Variants in NTRK3 observed in about 807,000 individuals in gnomAD.
The protein encoded by NTRK3 is NT-3 growth factor receptor.
Under a neutral mutation model 91.7 loss-of-function variants are expected in NTRK3, and 24 were observed. The observed-to-expected ratio is 0.26, with a 90% CI of 0.19 to 0.37. The LOEUF is 0.37. NTRK3 is among the 10% of genes least tolerant of loss of function. NTRK3 has a pLI of 1.00. For synonymous variants in NTRK3, 483 were observed against 404.0 expected (o/e 1.20, Z -2.34); for missense variants, 880 against 1,068.9 (o/e 0.82, Z 2.46).
chr15:88,222,157 T>G (rs1217444963), intron 3 of NTRK3, among the ~76,000 whole-genome samples: 3 of 152,216 alleles, frequency 2.0e-5, no homozygotes, highest in African/African-American at 7.2e-5. Context: ...GGGTCAGAAC[T>G]CAGAGATTCT....
chr15:87,887,004 G>A (rs1372241646), intron 17 of NTRK3, among the ~76,000 whole-genome samples: 2 of 151,884 alleles, frequency 1.3e-5, no homozygotes, highest in Admixed American at 1.3e-4. Context: ...CATTTCTCTT[G>A]ATGAAAATTT....
chr15:88,189,645 T>A (rs2047228829), intron 3 of NTRK3, among the ~76,000 whole-genome samples: 1 of 152,138 alleles, frequency 6.6e-6, no homozygotes. Context: ...GTTTTCACCA[T>A]GTTGGCCAGG....
chr15:88,170,682 C>G (rs551512514), intron 5 of NTRK3, among the ~76,000 whole-genome samples: 2 of 152,326 alleles, frequency 1.3e-5, no homozygotes, highest in South Asian at 2.1e-4. Context: ...AGCAGAAGAA[C>G]CAGACCGCCA....
chr15:88,057,831 A>G (rs1238919343), intron 13 of NTRK3, among the ~76,000 whole-genome samples: 1 of 152,178 alleles, frequency 6.6e-6, no homozygotes, highest in South Asian at 2.1e-4. Flanking sequence ...AATGACTCCC[A>G]ATATCTTTCT....
intron 18 of NTRK3, among the ~76,000 whole-genome samples, chr15:87,877,462 T>C (rs774988854): frequency 2.0e-5 from 3 of 152,164 alleles, no homozygotes; most frequent in African/African-American, 4.8e-5. Context: ...GCTGCATTCA[T>C]TTTTCACTTG....
chr15:87,913,555 G>A (rs1187100259), intron 17 of NTRK3, among the ~76,000 whole-genome samples: 1 of 151,976 alleles, frequency 6.6e-6, no homozygotes, highest in Non-Finnish European at 1.5e-5. Context: ...ACTCCACTCT[G>A]GGCAATCACC....
intron 13 of NTRK3, among the ~76,000 whole-genome samples, chr15:88,059,632 T>C (rs956129820): frequency 2.6e-5 from 4 of 152,102 alleles, no homozygotes; most frequent in Admixed American, 2.0e-4. Context: ...TGCACCATTT[T>C]CCATAACACC....
At chr15:88,215,450 C>G (rs1567662369) in intron 3 of NTRK3, among the ~76,000 whole-genome samples, 1 of 152,202 alleles carries the variant, frequency 6.6e-6, no homozygotes, top group Non-Finnish European at 1.5e-5. Context: ...CGCAGAGCTC[C>G]CCGTGGCTCC....
At chr15:87,868,431 T>C (rs551509055) in exon 19 of NTRK3, 5 of 221,570 alleles carry the variant, frequency 2.3e-5, no homozygotes, top group East Asian at 6.6e-5. Context: ...AAGGAGATTC[T>C]TATTATTTAA....
intron 14 of NTRK3, among the ~76,000 whole-genome samples, chr15:87,963,502 T>C (rs1596433192): frequency 6.6e-6 from 1 of 152,334 alleles, no homozygotes; most frequent in South Asian, 2.1e-4. Flanking sequence ...AATTTCACTA[T>C]GGTGTGAAAT....
intron 3 of NTRK3, among the ~76,000 whole-genome samples, chr15:88,229,578 A>T (rs2050992395): frequency 6.6e-6 from 1 of 152,208 alleles, no homozygotes; most frequent in African/African-American, 2.4e-5. Context: ...ACCAGAAGGG[A>T]TCCTGAGAAG....
At chr15:88,156,425 T>C (rs1371171189) in intron 5 of NTRK3, among the ~76,000 whole-genome samples, 2 of 152,144 alleles carry the variant, frequency 1.3e-5, no homozygotes, top group Non-Finnish European at 2.9e-5. Context: ...ATCAGCCTCC[T>C]GTTTCCATAT....
At chr15:88,153,900 C>T (rs60688851) in intron 5 of NTRK3, among the ~76,000 whole-genome samples, 2,875 of 151,750 alleles carry the variant, frequency 0.019, 90 homozygotes, top group African/African-American at 0.065. Flanking sequence ...GGGAGGACTT[C>T]GATATACGAA....
chr15:88,092,329 A>G (rs1267065240), intron 13 of NTRK3, among the ~76,000 whole-genome samples: 2 of 152,206 alleles, frequency 1.3e-5, no homozygotes, highest in Non-Finnish European at 2.9e-5. Flanking sequence ...CATGGCCACA[A>G]AAGTCAGGCC....
chr15:88,211,263 G>A (rs557571331), intron 3 of NTRK3, among the ~76,000 whole-genome samples: 1 of 152,282 alleles, frequency 6.6e-6, no homozygotes, highest in African/African-American at 2.4e-5. Context: ...CATAAAATAT[G>A]CACATGCATT....
intron 14 of NTRK3, among the ~76,000 whole-genome samples, chr15:87,984,354 T>G (rs1257628011): frequency 6.6e-6 from 1 of 152,218 alleles, no homozygotes; most frequent in Non-Finnish European, 1.5e-5. Context: ...CTTCTAAGGT[T>G]GTGGGAAGGT....
chr15:88,251,851 G>A (rs992244179), intron 3 of NTRK3, among the ~76,000 whole-genome samples: 1 of 152,260 alleles, frequency 6.6e-6, no homozygotes, highest in Non-Finnish European at 1.5e-5. Flanking sequence ...CCTGGGGCCA[G>A]TAGATGAGGA....
intron 5 of NTRK3, among the ~76,000 whole-genome samples, chr15:88,172,690 C>G (rs887467285): frequency 2.6e-5 from 4 of 152,128 alleles, no homozygotes; most frequent in Non-Finnish European, 4.4e-5. Flanking sequence ...TGCAGTGGGC[C>G]AGCAGGTGAG....
chr15:88,220,749 G>T (rs1598026899), intron 3 of NTRK3, among the ~76,000 whole-genome samples: 1 of 152,260 alleles, frequency 6.6e-6, no homozygotes, highest in East Asian at 1.9e-4. Context: ...ACGTCCAAAA[G>T]ATCTGTCCCT....
Sources: gnomAD v4.1 joint callset for allele counts (sites outside exome capture counted in the v4.1 genomes callset) on GRCh38, gnomAD v4.1.1 for gene constraint, MANE v1.5 for transcripts, NCBI Gene and HGNC (gene_info 2026-07-23, HGNC 2026-07-21) for gene names.